ITGA1: variants seen among roughly 807,000 people sequenced by gnomAD.
ITGA1 encodes integrin alpha-1.
ITGA1 carries 85 observed loss-of-function variants against 145.9 expected under a neutral mutation model. That is an observed-to-expected ratio of 0.58 (90% CI 0.49 to 0.70). The LOEUF (loss-of-function observed/expected upper bound fraction) is 0.70, where lower values mean the gene tolerates loss of function less well. Ranked by LOEUF, ITGA1 falls within the 30% of genes least tolerant of loss-of-function variation. ITGA1 has a pLI of 0.00. For missense variants in ITGA1, 1,351 were observed against 1,418.7 expected, an observed-to-expected ratio of 0.95 and a Z score of 0.77; for synonymous variants, 520 against 495.3, an observed-to-expected ratio of 1.05 and a Z score of -0.66.
intron 21 of ITGA1, 113 bp from the exon 22 acceptor site, chr5:52,931,934 T>C (rs1750898458): frequency 5.0e-6 from 3 of 605,818 alleles, no homozygotes; most frequent in Admixed American, 3.1e-5. Context: ...AAAATTATAC[T>C]CTTACATGCT....
At chr5:52,883,803 G>A (rs1750003423) in intron 7 of ITGA1, among the ~76,000 whole-genome samples, 1 of 152,152 alleles carries the variant, frequency 6.6e-6, no homozygotes, top group Admixed American at 6.5e-5. Flanking sequence ...AAAGGACACT[G>A]GATACTGGTA....
In ITGA1 at chr5:52,832,873, A is replaced by G. The variant is rs1463607977; in HGVS notation, c.62-16492A>G. On this transcript the variant is annotated intron_variant, in intron 1 of 28. Transcript: ENST00000282588. ...GTAGATTTTTTTTGGTTACTTTTTT[A>G]TTTCATTTTGTTAAGCCATCAAAAG... Among the ~76,000 whole-genome samples, 3 of 98,840 alleles carry G rather than the reference A, an allele frequency of 3.0e-5. No homozygotes were observed. The East Asian group carries it at 7.8e-4, about 26-fold the overall frequency. 64.8% of individuals were successfully genotyped at this position (98,840 alleles called of 152,430 possible).
intron 1 of ITGA1, chr5:52,824,549 C>T (rs1450951189): frequency 6.6e-6 from 1 of 152,114 alleles, no homozygotes; most frequent in East Asian, 1.9e-4. Flanking sequence ...CCTTGGCCTC[C>T]CAAAGTGCTA....
intron 1 of ITGA1, among the ~76,000 whole-genome samples, chr5:52,829,904 G>A (rs1376125397): frequency 3.9e-5 from 6 of 152,030 alleles, no homozygotes; most frequent in Admixed American, 2.6e-4. Flanking sequence ...AACTGGCTGA[G>A]GATTCAAGGC....
chr5:52,895,105 T>A (rs533507600), intron 9 of ITGA1, among the ~76,000 whole-genome samples: 1 of 151,764 alleles, frequency 6.6e-6, no homozygotes. Context: ...TCTCTTTCAA[T>A]GAAAAAAAAA....
intron 26 of ITGA1, among the ~76,000 whole-genome samples, chr5:52,943,151 G>A (rs1199877241): frequency 6.6e-6 from 1 of 152,134 alleles, no homozygotes; most frequent in Admixed American, 6.5e-5. Context: ...TCTTATTCCA[G>A]TTCCCCAGGG....
At chr5:52,881,777 C>A in intron 6 of ITGA1, 96 bp from the exon 7 acceptor site, 1 of 1,144,856 alleles carries the variant, frequency 8.7e-7, no homozygotes, top group Non-Finnish European at 1.2e-6. Flanking sequence ...GCAAACTCAT[C>A]TGAAATGTAT....
At chr5:52,904,593 G>T (rs1474873401) in intron 11 of ITGA1, 1 of 152,204 alleles carries the variant, frequency 6.6e-6, no homozygotes, top group East Asian at 1.9e-4. Flanking sequence ...AATGGCTCAC[G>T]CCTGTAATCC....
chr5:52,844,132 A>C (rs1227608258), intron 1 of ITGA1, among the ~76,000 whole-genome samples: 1 of 151,758 alleles, frequency 6.6e-6, no homozygotes, highest in African/African-American at 2.4e-5. Flanking sequence ...TCTTTTTTTA[A>C]CTCTTGCATA....
intron 1 of ITGA1, chr5:52,803,676 A>G (rs1197318559): frequency 6.6e-6 from 1 of 152,204 alleles, no homozygotes; most frequent in Non-Finnish European, 1.5e-5. Flanking sequence ...AATAGGCGTC[A>G]AGGCTAATAG....
intron 2 of ITGA1, among the ~76,000 whole-genome samples, chr5:52,850,287 A>C (rs1749409632): frequency 6.6e-6 from 1 of 152,214 alleles, no homozygotes; most frequent in South Asian, 2.1e-4. Context: ...GGCGTGAGCC[A>C]TAGCACCTGG....
At chr5:52,790,401 A>G (rs760623757) in intron 1 of ITGA1, among the ~76,000 whole-genome samples, 8 of 152,196 alleles carry the variant, frequency 5.3e-5, no homozygotes, top group Non-Finnish European at 7.3e-5. Flanking sequence ...TCACCAGCTT[A>G]AAACAACATA....
chr5:52,803,610 G>T (rs1168474586), intron 1 of ITGA1: 1 of 152,138 alleles, frequency 6.6e-6, no homozygotes, highest in Admixed American at 6.5e-5. Context: ...GCTCAGACTA[G>T]TTAAATAACG....
chr5:52,893,302 A>G (rs1468525372), intron 8 of ITGA1, among the ~76,000 whole-genome samples: 1 of 152,210 alleles, frequency 6.6e-6, no homozygotes, highest in Admixed American at 6.5e-5. Flanking sequence ...TGCCTTTGCC[A>G]GCAGATAATG....
chr5:52,791,431 T>C (rs889486284), intron 1 of ITGA1, among the ~76,000 whole-genome samples: 3 of 152,086 alleles, frequency 2.0e-5, no homozygotes, highest in African/African-American at 4.8e-5. Context: ...TAAAAAGGAA[T>C]GCAGCTAGTG....
chr5:52,831,716 AT>A (rs542105446), intron 1 of ITGA1, among the ~76,000 whole-genome samples: 1 of 151,492 alleles, frequency 6.6e-6, no homozygotes, highest in East Asian at 1.9e-4. Context: ...GAGACAATAT[AT>A]TTTTTTTACC....
Position 52,915,477 on chromosome 5 carries a change from G to A in ITGA1, c.1871G>A (p.Gly624Asp). ...GGATTCTCACAGCGTATTCCATCAG[G>A]TGGGGATGGTAAGACACTGAAATTT... ...RKEYAQRIPSGGDGKTLKFFG... is the reference protein window; with the variant it reads ...RKEYAQRIPSDGDGKTLKFFG... The change falls in exon 15 of 29, where the codon GGT becomes GAT. Residue 624 changes from glycine (G) to aspartate (D), a missense_variant. Transcript: ENST00000282588. 1 of 1,613,998 alleles carries A rather than the reference G, an allele frequency of 6.2e-7. No homozygotes were observed. Among genetic ancestry groups the A allele is most frequent in the Non-Finnish European group, 8.5e-7 (1 of 1,179,894 alleles).
At chr5:52,881,843 C>A (rs371165528) in intron 6 of ITGA1, 30 bp from the exon 7 acceptor site, 1 of 1,585,648 alleles carries the variant, frequency 6.3e-7, no homozygotes, top group South Asian at 1.2e-5. Context: ...TTTGGATTGA[C>A]GTATAACTCA....
intron 1 of ITGA1, among the ~76,000 whole-genome samples, chr5:52,805,326 G>C (rs1314868056): frequency 6.6e-6 from 1 of 152,052 alleles, no homozygotes; most frequent in Non-Finnish European, 1.5e-5. Flanking sequence ...GCAGCATCAA[G>C]GATCGATTGG....
Sources: gnomAD v4.1 joint callset for allele counts (sites outside exome capture counted in the v4.1 genomes callset) on GRCh38, gnomAD v4.1.1 for gene constraint, MANE v1.5 for transcripts, NCBI Gene and HGNC (gene_info 2026-07-23, HGNC 2026-07-21) for gene names.